Variants in PDE8A observed in about 807,000 individuals in gnomAD.
The protein encoded by PDE8A is phosphodiesterase 8A.
A neutral mutation model predicts 105.0 loss-of-function variants in PDE8A; 59 were observed. The ratio of observed to expected loss-of-function variants is 0.56; its 90% confidence interval spans 0.46 to 0.70. The LOEUF (loss-of-function observed/expected upper bound fraction) is 0.70. Ranked by LOEUF, PDE8A falls within the 30% of genes least tolerant of loss-of-function variation. PDE8A has a pLI of 0.00. For synonymous variants in PDE8A, 355 were observed against 371.9 expected, an observed-to-expected ratio of 0.95 and a Z score of 0.52; for missense variants, 1,014 against 1,045.9, an observed-to-expected ratio of 0.97 and a Z score of 0.42.
chr15:85,044,716 T>C (rs1035921333), intron 1 of PDE8A, among the ~76,000 whole-genome samples: 1 of 152,256 alleles, frequency 6.6e-6, no homozygotes, highest in Non-Finnish European at 1.5e-5. Context: ...CCATCTTCTC[T>C]TGTTTGGACT....
rs990464490 is a variant in PDE8A at position 85,138,998 on chromosome 15, G to T, written c.*1095G>T. 6.6e-6 allele frequency: 1 copy of T among 151,900 alleles called. No homozygotes were observed. Among genetic ancestry groups the T allele is most frequent in the African/African-American group, 2.4e-5 (1 of 41,346 alleles). The allele number at this position is 151,900 out of a possible 1,614,324, so 9.4% of individuals were successfully genotyped here. ...TTTGATGCCAGAAATTTATAAAGAG[G>T]TTCTGTATCTTCACACCTTGAATAA... On this transcript the variant is annotated 3_prime_UTR_variant, in exon 22 of 22. Coordinates refer to ENST00000394553, the MANE Select transcript of PDE8A (RefSeq NM_002605.3).
chr15:85,122,593 A>C (rs1255957261), intron 18 of PDE8A, among the ~76,000 whole-genome samples: 3 of 152,220 alleles, frequency 2.0e-5, no homozygotes, highest in South Asian at 2.1e-4. Context: ...ATACCCCTTC[A>C]AATTTTGAAT....
At chr15:85,085,111 T>C (rs1445693562) in intron 6 of PDE8A, among the ~76,000 whole-genome samples, 2 of 152,172 alleles carry the variant, frequency 1.3e-5, no homozygotes, top group African/African-American at 4.8e-5. Flanking sequence ...AGGCACCCAC[T>C]GCGTTCAAGA....
At chr15:85,112,642 G>C (rs1567293884) in intron 12 of PDE8A, among the ~76,000 whole-genome samples, 1 of 152,204 alleles carries the variant, frequency 6.6e-6, no homozygotes, top group Admixed American at 6.5e-5. Context: ...AAATGAGGTT[G>C]ACACATCAGT....
chr15:85,049,710 G>A (rs998576226), intron 1 of PDE8A, among the ~76,000 whole-genome samples: 8 of 152,066 alleles, frequency 5.3e-5, no homozygotes, highest in African/African-American at 1.9e-4. Context: ...ACCACTCCTG[G>A]CTTTGTTTAT....
intron 8 of PDE8A, 38 bp from the exon 9 acceptor site, chr15:85,097,910 C>A: frequency 8.8e-7 from 1 of 1,142,648 alleles, no homozygotes; most frequent in East Asian, 2.3e-5. Flanking sequence ...TTTATGTTTT[C>A]AACACAAAGT....
intron 1 of PDE8A, among the ~76,000 whole-genome samples, chr15:85,039,244 A>G (rs780343319): frequency 6.6e-6 from 1 of 152,028 alleles, no homozygotes; most frequent in Non-Finnish European, 1.5e-5. Flanking sequence ...TGAGCAACCT[A>G]GTAAGACCTC....
At chr15:85,078,953 C>T (rs2081422595) in intron 5 of PDE8A, among the ~76,000 whole-genome samples, 1 of 151,962 alleles carries the variant, frequency 6.6e-6, no homozygotes, top group Non-Finnish European at 1.5e-5. Context: ...TATAGTTCCC[C>T]AAGGAAAATA....
At chr15:85,091,000 T>C in intron 7 of PDE8A, 44 bp from the exon 8 acceptor site, 1 of 1,556,780 alleles carries the variant, frequency 6.4e-7, no homozygotes, top group Non-Finnish European at 8.7e-7. Flanking sequence ...TTTTTCAAAA[T>C]GACTTTTAAT....
chr15:85,000,036 C>A (rs1031814654), intron 1 of PDE8A, among the ~76,000 whole-genome samples: 2 of 152,136 alleles, frequency 1.3e-5, no homozygotes, highest in African/African-American at 4.8e-5. Flanking sequence ...TGAAAACTTG[C>A]GTTCAAATTC....
At chr15:84,987,101 A>G (rs186104526) in intron 1 of PDE8A, among the ~76,000 whole-genome samples, 1 of 152,322 alleles carries the variant, frequency 6.6e-6, no homozygotes, top group Non-Finnish European at 1.5e-5. Flanking sequence ...GTAAGTGACT[A>G]CAGTTTATCT....
intron 20 of PDE8A, among the ~76,000 whole-genome samples, chr15:85,128,645 G>A (rs1159550844): frequency 6.6e-6 from 1 of 152,186 alleles, no homozygotes; most frequent in Non-Finnish European, 1.5e-5. Flanking sequence ...ATATTTGAAA[G>A]GACTGTATCC....
At chr15:85,014,602 T>C (rs1232826780) in intron 1 of PDE8A, among the ~76,000 whole-genome samples, 1 of 152,208 alleles carries the variant, frequency 6.6e-6, no homozygotes, top group African/African-American at 2.4e-5. Flanking sequence ...GTATTTGATA[T>C]GTTTCAGTCA....
Position 85,016,188 on chromosome 15 carries a change from T to G in PDE8A, c.186+33840T>G, listed in dbSNP as rs76881081. The stretch of plus-strand genomic sequence containing the variant: ...TAAAAAATGACTTGTCATTGCAAAT[T>G]TAAATTTTTATGTAATTAATTCTAA... On this transcript the variant is annotated intron_variant, in intron 1 of 21. Transcript: ENST00000394553. 5.0e-3 allele frequency among the ~76,000 whole-genome samples: 761 copies of G among 152,244 alleles called. 3 individuals carry two copies. The highest frequency in any genetic ancestry group is 0.017 in the African/African-American group (704 of 41,546).
intron 1 of PDE8A, among the ~76,000 whole-genome samples, chr15:85,000,296 G>A (rs772830310): frequency 2.0e-5 from 3 of 152,154 alleles, no homozygotes; most frequent in Non-Finnish European, 2.9e-5. Flanking sequence ...AATCCTTTCA[G>A]TGCTGCTGAA....
intron 1 of PDE8A, among the ~76,000 whole-genome samples, chr15:85,014,261 T>C (rs559263604): frequency 6.6e-6 from 1 of 152,250 alleles, no homozygotes; most frequent in African/African-American, 2.4e-5. Flanking sequence ...ATTCTCCTGC[T>C]TCAGCCTCCC....
At chr15:85,020,610 AAAC>A (rs894978110) in intron 1 of PDE8A, among the ~76,000 whole-genome samples, 16 of 152,188 alleles carry the variant, frequency 1.1e-4, no homozygotes, top group Non-Finnish European at 2.1e-4. Flanking sequence ...CAAACAAACA[AAAC>A]AACAACAAAA....
At chr15:85,029,135 T>A (rs994373274) in intron 1 of PDE8A, among the ~76,000 whole-genome samples, 2 of 152,320 alleles carry the variant, frequency 1.3e-5, no homozygotes, top group Non-Finnish European at 1.5e-5. Context: ...TGAACCATTT[T>A]TATTTATAGC....
chr15:85,093,131 C>A lies in PDE8A; in HGVS notation c.852+1950C>A, dbSNP rs149650706. Among the ~76,000 whole-genome samples the A allele has an allele frequency of 2.0e-5, 3 of 152,262 alleles. No individual in the cohort carries two copies. The East Asian group carries it at 5.8e-4, about 29-fold the overall frequency. On this transcript the variant is annotated intron_variant, in intron 8 of 21. Coordinates refer to ENST00000394553, the MANE Select transcript of PDE8A (RefSeq NM_002605.3). ...TGTTGTCCAGGTTGGTCTCGAACTC[C>A]TGGGCTCAAGCAGTCCGATAATCGG...
Sources: gnomAD v4.1 joint callset for allele counts (sites outside exome capture counted in the v4.1 genomes callset) on GRCh38, gnomAD v4.1.1 for gene constraint, MANE v1.5 for transcripts, NCBI Gene and HGNC (gene_info 2026-07-23, HGNC 2026-07-21) for gene names.